GUCY1A2: variants seen among roughly 807,000 people sequenced by gnomAD.
GUCY1A2 encodes guanylate cyclase 1 soluble subunit alpha 2.
A neutral mutation model predicts 63.5 loss-of-function variants in GUCY1A2; 27 were observed. The observed-to-expected ratio is 0.43, with a 90% CI of 0.31 to 0.59. GUCY1A2 has a LOEUF of 0.59. Among genes scored for constraint, GUCY1A2 ranks in the 20% least tolerant of loss-of-function variants. The pLI, the probability that GUCY1A2 is intolerant of heterozygous loss-of-function variation, is 0.11. For missense variants in GUCY1A2, 768 were observed against 913.3 expected (o/e 0.84, Z 2.05); for synonymous variants, 364 against 343.5 (o/e 1.06, Z -0.66).
intron 4 of GUCY1A2, among the ~76,000 whole-genome samples, chr11:106,902,788 C>A (rs1025274538): frequency 6.6e-6 from 1 of 152,128 alleles, no homozygotes; most frequent in East Asian, 1.9e-4. Context: ...ACAACTATTT[C>A]CGTAGCATTT....
chr11:106,857,621 TAC>T (rs1440245474), intron 4 of GUCY1A2, among the ~76,000 whole-genome samples: 1 of 152,202 alleles, frequency 6.6e-6, no homozygotes, highest in Non-Finnish European at 1.5e-5. Context: ...TTCGAGAACG[TAC>T]AGTCAGCTCT....
chr11:106,830,033 G>T (rs1185373299), intron 4 of GUCY1A2, among the ~76,000 whole-genome samples: 1 of 152,222 alleles, frequency 6.6e-6, no homozygotes, highest in East Asian at 1.9e-4. Context: ...ACCAGTTGCA[G>T]AAATGAGGAG....
intron 4 of GUCY1A2, among the ~76,000 whole-genome samples, chr11:106,900,077 C>T (rs904627976): frequency 8.5e-5 from 12 of 140,796 alleles, no homozygotes; most frequent in Non-Finnish European, 1.7e-4. Context: ...CAGAGCGAGA[C>T]TCCGTCTCAA....
chr11:106,907,782 C>A (rs537146381), intron 4 of GUCY1A2, among the ~76,000 whole-genome samples: 2,832 of 152,164 alleles, frequency 0.019, 70 homozygotes, highest in African/African-American at 0.063. Flanking sequence ...ATATGTGCCA[C>A]ATTTTCTTAA....
chr11:106,745,755 T>TATCA (rs1863776463), intron 6 of GUCY1A2, among the ~76,000 whole-genome samples: 1 of 152,240 alleles, frequency 6.6e-6, no homozygotes, highest in South Asian at 2.1e-4. Flanking sequence ...GTCTCTATGA[T>TATCA]GTCTTGCAAC....
At chr11:106,880,280 G>GA (rs1187408999) in intron 4 of GUCY1A2, among the ~76,000 whole-genome samples, 1 of 151,980 alleles carries the variant, frequency 6.6e-6, no homozygotes, top group African/African-American at 2.4e-5. Flanking sequence ...CCATCCTGTG[G>GA]AATGCAAGCC....
intron 1 of GUCY1A2, among the ~76,000 whole-genome samples, chr11:107,015,843 C>T (rs903097563): frequency 6.6e-6 from 1 of 152,042 alleles, no homozygotes; most frequent in Non-Finnish European, 1.5e-5. Flanking sequence ...CAGGGAAGAA[C>T]AGCAAAGAGT....
chr11:106,688,022 A>G (rs915467207), intron 7 of GUCY1A2, among the ~76,000 whole-genome samples: 1 of 152,222 alleles, frequency 6.6e-6, no homozygotes, highest in African/African-American at 2.4e-5. Flanking sequence ...ATTTCTTTCT[A>G]AACAGCATTC....
chr11:106,789,876 G>A (rs1021317378), intron 5 of GUCY1A2, among the ~76,000 whole-genome samples: 1 of 152,098 alleles, frequency 6.6e-6, no homozygotes, highest in Non-Finnish European at 1.5e-5. Context: ...TCTCTGTGCT[G>A]AGCCACCTGG....
At chr11:106,748,261 A>G (rs906693275) in intron 6 of GUCY1A2, among the ~76,000 whole-genome samples, 1 of 147,506 alleles carries the variant, frequency 6.8e-6, no homozygotes, top group Admixed American at 6.8e-5. Context: ...TGAAAAGAGA[A>G]AAGAAGCTTA....
At chr11:106,827,924 C>T (rs1180388624) in intron 4 of GUCY1A2, 2 of 1,313,296 alleles carry the variant, frequency 1.5e-6, no homozygotes, top group Non-Finnish European at 2.2e-6. Flanking sequence ...CTGAATATCG[C>T]GGCGGAACAG....
At chr11:106,689,789 C>T (rs1309197593) in intron 7 of GUCY1A2, among the ~76,000 whole-genome samples, 3 of 151,836 alleles carry the variant, frequency 2.0e-5, no homozygotes, top group Non-Finnish European at 2.9e-5. Context: ...GTCAGGAGTT[C>T]GATACCAGCC....
At chr11:106,877,366 C>T (rs997736132) in intron 4 of GUCY1A2, among the ~76,000 whole-genome samples, 1 of 151,954 alleles carries the variant, frequency 6.6e-6, no homozygotes, top group African/African-American at 2.4e-5. Context: ...ACCAAGGCAG[C>T]AGGCATAATG....
chr11:106,822,651 A>G (rs749222473), intron 4 of GUCY1A2, among the ~76,000 whole-genome samples: 45 of 152,190 alleles, frequency 3.0e-4, no homozygotes, highest in Admixed American at 2.6e-4. Context: ...TTCACTTAGG[A>G]TAATAGCCTC....
At chr11:106,709,458 T>A (rs1459375749) in intron 6 of GUCY1A2, among the ~76,000 whole-genome samples, 9 of 94,596 alleles carry the variant, frequency 9.5e-5, no homozygotes, top group African/African-American at 1.8e-4. Context: ...TATTCTATAT[T>A]TATAGAATAA....
chr11:106,897,214 G>C (rs1468563868), intron 4 of GUCY1A2, among the ~76,000 whole-genome samples: 1 of 152,098 alleles, frequency 6.6e-6, no homozygotes, highest in Non-Finnish European at 1.5e-5. Context: ...CATAAGTGGA[G>C]AGAGAGTCTA....
chr11:106,824,968 A>T, intron 4 of GUCY1A2: 2 of 1,612,872 alleles, frequency 1.2e-6, no homozygotes, highest in African/African-American at 1.3e-5. Flanking sequence ...CATGAATGTT[A>T]CTAAATTTTC....
chr11:106,809,013 T>G (rs1445434012), intron 5 of GUCY1A2, among the ~76,000 whole-genome samples: 1 of 152,146 alleles, frequency 6.6e-6, no homozygotes, highest in Non-Finnish European at 1.5e-5. Context: ...ATTGGCTACA[T>G]AGTCTACATA....
At chr11:106,727,296 A>G (rs1380631871) in intron 6 of GUCY1A2, among the ~76,000 whole-genome samples, 1 of 152,228 alleles carries the variant, frequency 6.6e-6, no homozygotes, top group Non-Finnish European at 1.5e-5. Flanking sequence ...ACATGAGACC[A>G]GATTCAAGAG....
Sources: allele counts gnomAD v4.1 joint callset (sites outside exome capture counted in the v4.1 genomes callset), GRCh38; gene constraint gnomAD v4.1.1; transcripts MANE v1.5; gene names NCBI Gene and HGNC (gene_info 2026-07-23, HGNC 2026-07-21).